CLVS1: variants seen among roughly 807,000 people sequenced by gnomAD.
CLVS1 encodes the protein clavesin 1.
Under a neutral mutation model 33.1 loss-of-function variants are expected in CLVS1, and 10 were observed. The observed-to-expected ratio is 0.30, with a 90% confidence interval of 0.19 to 0.51. The LOEUF (loss-of-function observed/expected upper bound fraction) is 0.51. Ranked by LOEUF, CLVS1 falls within the 20% of genes least tolerant of loss-of-function variation. The probability of loss-of-function intolerance (pLI) is 0.97; values close to 1 mark genes in which losing one functional copy is unlikely to be tolerated. For missense variants in CLVS1, 343 were observed against 433.4 expected, an observed-to-expected ratio of 0.79 and a Z score of 1.85; for synonymous variants, 163 against 166.1, an observed-to-expected ratio of 0.98 and a Z score of 0.14.
At chr8:61,481,338 A>G (rs1464069434) in intron 5 of CLVS1, among the ~76,000 whole-genome samples, 1 of 152,150 alleles carries the variant, frequency 6.6e-6, no homozygotes, top group Non-Finnish European at 1.5e-5. Flanking sequence ...CAACTGAAGT[A>G]CTAGGTTCAT....
chr8:61,197,188 T>A (rs1450964971), intron 2 of CLVS1, among the ~76,000 whole-genome samples: 1 of 152,336 alleles, frequency 6.6e-6, no homozygotes, highest in East Asian at 1.9e-4. Flanking sequence ...TCCATTTTTA[T>A]TTGATTTTTG....
chr8:61,251,385 G>A (rs941235668), intron 2 of CLVS1, among the ~76,000 whole-genome samples: 2 of 152,070 alleles, frequency 1.3e-5, no homozygotes, highest in African/African-American at 2.4e-5. Flanking sequence ...TTTTTTTGTG[G>A]TGTCTCTGCC....
chr8:61,123,271 AAATAATAATAAT>A (rs58959777), intron 1 of CLVS1, among the ~76,000 whole-genome samples: 1 of 146,868 alleles, frequency 6.8e-6, no homozygotes, highest in Non-Finnish European at 1.5e-5. Flanking sequence ...CTCTGTCTCA[AAATAATAATAAT>A]AATAATAATA....
At chr8:61,213,942 A>G (rs1029147525) in intron 2 of CLVS1, among the ~76,000 whole-genome samples, 15 of 152,176 alleles carry the variant, frequency 9.9e-5, no homozygotes, top group Non-Finnish European at 1.6e-4. Context: ...CCTGGGAAAG[A>G]GAATATGTGC....
At chr8:61,331,531 T>TAA (rs34893220) in intron 2 of CLVS1, among the ~76,000 whole-genome samples, 4,249 of 146,078 alleles carry the variant, frequency 0.029, 179 homozygotes, top group African/African-American at 0.09. Context: ...CCTTCCCAAT[T>TAA]AAAAAAAAAA....
chr8:61,426,993 C>A (rs1815920693), intron 3 of CLVS1, among the ~76,000 whole-genome samples: 1 of 152,196 alleles, frequency 6.6e-6, no homozygotes, highest in Non-Finnish European at 1.5e-5. Context: ...AAAATAGTAT[C>A]ATTTAAAGTG....
At chr8:61,324,382 G>A (rs1162629833) in intron 2 of CLVS1, among the ~76,000 whole-genome samples, 1 of 152,070 alleles carries the variant, frequency 6.6e-6, no homozygotes, top group East Asian at 1.9e-4. Flanking sequence ...TGGAAGAACT[G>A]CCTTTCACCT....
At chr8:61,139,631 G>GC (rs1462382357) in intron 2 of CLVS1, among the ~76,000 whole-genome samples, 1 of 151,926 alleles carries the variant, frequency 6.6e-6, no homozygotes, top group East Asian at 1.9e-4. Flanking sequence ...GCTGGGGCCA[G>GC]GTGGAAGGCG....
chr8:61,286,021 A>G (rs1487564752), upstream of CLVS1, among the ~76,000 whole-genome samples: 1 of 135,244 alleles, frequency 7.4e-6, no homozygotes, highest in African/African-American at 2.5e-5. Context: ...TCTAATGTGC[A>G]GGCCATTTTT....
chr8:61,016,578 A>G, the CLVS1 span, among the ~76,000 whole-genome samples: 5 of 152,238 alleles, frequency 3.3e-5, no homozygotes, highest in African/African-American at 1.2e-4. Context: ...TAATTCCCTG[A>G]GCAGCTAAAC....
At chr8:61,136,175 T>C (rs959637029) in intron 2 of CLVS1, among the ~76,000 whole-genome samples, 6 of 152,232 alleles carry the variant, frequency 3.9e-5, no homozygotes, top group Non-Finnish European at 8.8e-5. Context: ...GACTGCAGTT[T>C]CTAACTGTTG....
At chr8:61,067,118 A>C (rs1419773506) in intron 1 of CLVS1, among the ~76,000 whole-genome samples, 1 of 152,110 alleles carries the variant, frequency 6.6e-6, no homozygotes, top group Non-Finnish European at 1.5e-5. Flanking sequence ...GGGATGAAAT[A>C]ATTTCTCCTA....
At chr8:61,154,449 AT>A (rs1806611077) in intron 2 of CLVS1, among the ~76,000 whole-genome samples, 1 of 152,100 alleles carries the variant, frequency 6.6e-6, no homozygotes, top group African/African-American at 2.4e-5. Context: ...GCAGTATACC[AT>A]TTTTTGATAG....
chr8:61,452,016 T>G (rs1372976314), intron 3 of CLVS1, among the ~76,000 whole-genome samples: 1 of 152,220 alleles, frequency 6.6e-6, no homozygotes, highest in East Asian at 1.9e-4. Context: ...GGTTCACATG[T>G]GTTTGTCTGC....
At chr8:61,407,900 G>C (rs1585927205) in intron 3 of CLVS1, among the ~76,000 whole-genome samples, 2 of 152,188 alleles carry the variant, frequency 1.3e-5, no homozygotes, top group Non-Finnish European at 2.9e-5. Context: ...CTAATGGAGA[G>C]ACGACTTAAA....
chr8:61,281,385 G>T (rs1809668013), intron 2 of CLVS1, among the ~76,000 whole-genome samples: 1 of 152,162 alleles, frequency 6.6e-6, no homozygotes, highest in African/African-American at 2.4e-5. Context: ...GAGGTCATAA[G>T]GGTGGGGCCC....
intron 1 of CLVS1, among the ~76,000 whole-genome samples, chr8:61,107,879 T>A (rs995005946): frequency 2.0e-5 from 3 of 152,260 alleles, no homozygotes; most frequent in Non-Finnish European, 4.4e-5. Context: ...TTATGTTCTC[T>A]GGTTATTTAT....
At chr8:61,420,495 G>A (rs1165702462) in intron 3 of CLVS1, among the ~76,000 whole-genome samples, 1 of 151,950 alleles carries the variant, frequency 6.6e-6, no homozygotes, top group Non-Finnish European at 1.5e-5. Context: ...CGAGCTACTC[G>A]GGAGGCTGAG....
At chr8:61,489,689 A>G (rs1180153012) in intron 5 of CLVS1, among the ~76,000 whole-genome samples, 1 of 152,216 alleles carries the variant, frequency 6.6e-6, no homozygotes, top group Non-Finnish European at 1.5e-5. Context: ...TGGAGATACG[A>G]AACACTCCTG....
Sources: allele counts gnomAD v4.1 joint callset (sites outside exome capture counted in the v4.1 genomes callset), GRCh38; gene constraint gnomAD v4.1.1; transcripts MANE v1.5; gene names NCBI Gene and HGNC (gene_info 2026-07-23, HGNC 2026-07-21).